Variants in HMCN1 observed in about 807,000 individuals in gnomAD.
HMCN1 encodes hemicentin 1, also known as hemicentin-1.
In HMCN1, 321 loss-of-function variants were observed where a neutral mutation model predicts 625.9. The observed-to-expected ratio is 0.51, with a 90% CI of 0.47 to 0.56. The LOEUF is 0.56. Ranked by LOEUF, HMCN1 falls within the 20% of genes least tolerant of loss-of-function variation. The probability of loss-of-function intolerance (pLI) is 0.00; values close to 1 mark genes in which losing one functional copy is unlikely to be tolerated. For missense variants in HMCN1, 6,588 were observed against 6,887.3 expected, an observed-to-expected ratio of 0.96 and a Z score of 1.54; for synonymous variants, 2,425 against 2,417.6, an observed-to-expected ratio of 1.00 and a Z score of -0.09.
chr1:186,065,285 CAAG>C lies in HMCN1; in HGVS notation c.7566_7568del (p.Glu2522del), dbSNP rs781424301. On this transcript the variant is annotated inframe_deletion, in exon 49 of 107. Coordinates refer to ENST00000271588, the MANE Select transcript of HMCN1 (RefSeq NM_031935.3). ...ATGGCACAAAGATGGGCAGCCCCTCCAAGAAGATGAAGCCCATCACATTATATC... is the reference window on the plus strand; with the variant it reads ...ATGGCACAAAGATGGGCAGCCCCTCCAAGATGAAGCCCATCACATTATATC... The C allele has an allele frequency of 9.9e-6, 16 of 1,612,518 alleles. No individual in the cohort carries two copies. The East Asian group carries it at 3.4e-4, about 34-fold the overall frequency.
intron 99 of HMCN1, 57 bp from the exon 100 acceptor site, chr1:186,166,751 G>A: frequency 6.2e-7 from 1 of 1,613,144 alleles, no homozygotes; most frequent in South Asian, 1.1e-5. Context: ...TTCACCGCAG[G>A]TTCTTGGGCT....
At chr1:186,132,553 G>A in intron 86 of HMCN1, 144 bp downstream of exon 86, 2 of 702,444 alleles carry the variant, frequency 2.8e-6, no homozygotes, top group Non-Finnish European at 5.1e-6. Flanking sequence ...TGCTGATGGA[G>A]CAGTTGTCAT....
chr1:185,895,396 G>A (rs971013499), intron 4 of HMCN1, among the ~76,000 whole-genome samples: 7 of 152,062 alleles, frequency 4.6e-5, no homozygotes, highest in Non-Finnish European at 7.4e-5. Flanking sequence ...TTTTCTTGGC[G>A]ATATTCTTTC....
rs1651599496 is a variant in HMCN1 at position 185,981,089 on chromosome 1, T to A, written c.2662+16T>A. 2.1e-6 allele frequency: 3 copies of A among 1,409,222 alleles called. No homozygotes were observed. The highest frequency in any genetic ancestry group is 2.3e-5 in the South Asian group (2 of 87,068). 87.3% of individuals were successfully genotyped at this position (1,409,222 alleles called of 1,614,324 possible). ...ACCGGACTTGGTAAGATCAATTGAA[T>A]GTCTACATACCATGGTCTTCAAAGT... On this transcript the variant is annotated intron_variant, in intron 17 of 106. Coordinates refer to ENST00000271588, the MANE Select transcript of HMCN1 (RefSeq NM_031935.3).
intron 21 of HMCN1, 142 bp from the exon 22 acceptor site, chr1:185,990,133 A>G: frequency 1.2e-6 from 1 of 804,794 alleles, no homozygotes; most frequent in Non-Finnish European, 2.2e-6. Context: ...TAAATGTATT[A>G]ATGGAAAGTT....
At chr1:185,948,677 A>T (rs1158639033) in intron 11 of HMCN1, among the ~76,000 whole-genome samples, 2 of 151,888 alleles carry the variant, frequency 1.3e-5, no homozygotes, top group Non-Finnish European at 2.9e-5. Context: ...CTGGGCATAT[A>T]TGTGCAAGTC....
chr1:185,744,609 C>A (rs969462007), intron 1 of HMCN1, among the ~76,000 whole-genome samples: 2 of 152,158 alleles, frequency 1.3e-5, no homozygotes, highest in South Asian at 2.1e-4. Context: ...AGATAAATTA[C>A]AATATACTAT....
intron 26 of HMCN1, 62 bp downstream of exon 26, chr1:186,000,301 A>G: frequency 8.2e-7 from 1 of 1,225,596 alleles, no homozygotes; most frequent in South Asian, 1.2e-5. Context: ...AAATGTTTAA[A>G]TTATTCTCTC....
intron 1 of HMCN1, among the ~76,000 whole-genome samples, chr1:185,791,786 T>C (rs559428380): frequency 6.6e-6 from 1 of 152,280 alleles, no homozygotes; most frequent in East Asian, 1.9e-4. Flanking sequence ...GATTTCTTCA[T>C]ATATTCAAAC....
At chr1:186,063,339 G>C (rs1657876598) in intron 48 of HMCN1, among the ~76,000 whole-genome samples, 1 of 149,412 alleles carries the variant, frequency 6.7e-6, no homozygotes. Flanking sequence ...AAATGTAGGA[G>C]GAAACCTTTC....
At chr1:186,107,980 G>A (rs1039599744) in intron 70 of HMCN1, among the ~76,000 whole-genome samples, 3 of 148,478 alleles carry the variant, frequency 2.0e-5, no homozygotes, top group African/African-American at 7.5e-5. Flanking sequence ...CAAACTGTCT[G>A]GGATTTAAGT....
chr1:186,175,890 AAG>A (rs1491011060), intron 103 of HMCN1, among the ~76,000 whole-genome samples: 78 of 140,278 alleles, frequency 5.6e-4, no homozygotes, highest in African/African-American at 1.8e-3. Flanking sequence ...AAAAAAAAAA[AAG>A]AAAGAAAAGA....
chr1:186,041,851 A>G (rs1656229152), intron 40 of HMCN1, among the ~76,000 whole-genome samples: 2 of 152,094 alleles, frequency 1.3e-5, no homozygotes, highest in South Asian at 4.1e-4. Context: ...CCTCTTGAAG[A>G]GTTTCTGTTT....
In HMCN1 at chr1:186,090,794, A is replaced by T. The variant is rs1343079586; in HGVS notation, c.9764A>T (p.Asp3255Val). ...PSVAGAEIPS[D>V]VSVLLGENVE... ...GTTGCTGGTGCTGAAATTCCAAGTG[A>T]TGTCAGTGTCCTTCTAGGAGAAAAT... is the stretch of plus-strand genomic sequence containing the variant. The change falls in exon 64 of 107, where the codon GAT (aspartate) becomes GTT (valine). Residue 3255 changes from aspartate to valine, a missense_variant. Coordinates refer to ENST00000271588, the MANE Select transcript of HMCN1 (RefSeq NM_031935.3). 2 of 1,612,488 alleles carry T rather than the reference A, an allele frequency of 1.2e-6. No individual in the cohort carries two copies. The highest frequency in any genetic ancestry group is 2.2e-5 in the South Asian group (2 of 91,072).
At chr1:185,916,172 A>C (rs1024297578) in intron 6 of HMCN1, among the ~76,000 whole-genome samples, 1 of 152,098 alleles carries the variant, frequency 6.6e-6, no homozygotes, top group African/African-American at 2.4e-5. Flanking sequence ...AATGGTATTT[A>C]AATCTAGCTT....
intron 4 of HMCN1, among the ~76,000 whole-genome samples, chr1:185,873,817 GA>G (rs1213821807): frequency 6.6e-6 from 1 of 151,974 alleles, no homozygotes; most frequent in Non-Finnish European, 1.5e-5. Context: ...AATGATAATT[GA>G]ATAATTTGGG....
chr1:185,935,287 G>C (rs1667756889), intron 11 of HMCN1, among the ~76,000 whole-genome samples: 1 of 152,024 alleles, frequency 6.6e-6, no homozygotes, highest in Non-Finnish European at 1.5e-5. Flanking sequence ...AAACTTCTGT[G>C]AGTAAAGAAT....
chr1:185,844,500 G>C (rs1182616139), intron 1 of HMCN1, among the ~76,000 whole-genome samples: 1 of 152,106 alleles, frequency 6.6e-6, no homozygotes, highest in African/African-American at 2.4e-5. Context: ...TGTTATGGAA[G>C]GTTTGGCTAA....
chr1:185,990,830 G>A (rs539965391), intron 22 of HMCN1, among the ~76,000 whole-genome samples: 2 of 152,292 alleles, frequency 1.3e-5, no homozygotes, highest in South Asian at 4.1e-4. Context: ...GGATGATTTT[G>A]TAAGTCTTCT....
Sources: gnomAD v4.1 joint callset for allele counts (sites outside exome capture counted in the v4.1 genomes callset) on GRCh38, gnomAD v4.1.1 for gene constraint, MANE v1.5 for transcripts, NCBI Gene and HGNC (gene_info 2026-07-23, HGNC 2026-07-21) for gene names.